The following LMTK2 variants were observed in gnomAD, a reference collection of about 807,000 sequenced individuals.
The protein encoded by LMTK2 is lemur tail kinase 2.
In LMTK2, 37 loss-of-function variants were observed where a neutral mutation model predicts 127.5. The ratio of observed to expected loss-of-function variants is 0.29; its 90% CI spans 0.22 to 0.38. The LOEUF (loss-of-function observed/expected upper bound fraction) is 0.38. LMTK2 is among the 10% of genes least tolerant of loss of function. LMTK2 has a pLI of 1.00. For missense variants in LMTK2, 1,694 were observed against 1,920.3 expected (o/e 0.88, Z 2.20); for synonymous variants, 819 against 810.1 (o/e 1.01, Z -0.19).
At chr7:98,109,814 T>C (rs1161131844) in intron 1 of LMTK2, among the ~76,000 whole-genome samples, 1 of 150,184 alleles carries the variant, frequency 6.7e-6, no homozygotes, top group Non-Finnish European at 1.5e-5. Context: ...TGTCTCTCCA[T>C]CCAAAAGAGT....
chr7:98,117,452 G>A (rs1796302919), intron 1 of LMTK2, among the ~76,000 whole-genome samples: 1 of 152,142 alleles, frequency 6.6e-6, no homozygotes, highest in African/African-American at 2.4e-5. Flanking sequence ...CCACAGTGTT[G>A]TTTATTTGTT....
chr7:98,180,097 G>A (rs2116440826), intron 7 of LMTK2, among the ~76,000 whole-genome samples: 1 of 150,458 alleles, frequency 6.6e-6, no homozygotes, highest in Middle Eastern at 3.4e-3. Flanking sequence ...AATGCCTCTT[G>A]TGAAGTAAGT....
intron 1 of LMTK2, among the ~76,000 whole-genome samples, chr7:98,127,937 G>GT (rs752147581): frequency 1.1e-3 from 166 of 152,290 alleles, no homozygotes; most frequent in Non-Finnish European, 1.9e-3. Flanking sequence ...AAGATCAGGA[G>GT]TTTGAGATTA....
In LMTK2 at chr7:98,208,230, G is replaced by A. The variant is rs1797838868; in HGVS notation, c.*2738G>A. 1 of 152,142 alleles carries A rather than the reference G, an allele frequency of 6.6e-6. No homozygotes were observed. The highest frequency in any genetic ancestry group is 2.1e-4 in the South Asian group (1 of 4,824). The allele number at this position is 152,142 out of a possible 1,614,324, so 9.4% of individuals were successfully genotyped here. A position where few individuals can be genotyped will look rare whatever the true frequency, so the allele number is the denominator to read the frequency against. On this transcript the variant is annotated 3_prime_UTR_variant, in exon 14 of 14. Transcript: ENST00000297293. ...TTGGGGGGTAGTGGATCTTAGTGTG[G>A]TGTTGCATGGAGGGGCGAGATTTTA... is the stretch of plus-strand genomic sequence containing the variant.
chr7:98,191,579 A>T, intron 10 of LMTK2, 35 bp from the exon 11 acceptor site: 17 of 1,433,520 alleles, frequency 1.2e-5, no homozygotes, highest in East Asian at 2.3e-5. Context: ...AAAATTCGTG[A>T]TGGTTCCACT....
chr7:98,137,426 C>G lies in LMTK2; in HGVS notation c.215C>G (p.Pro72Arg), dbSNP rs1398533766. 3 of 1,612,690 alleles carry G rather than the reference C, an allele frequency of 1.9e-6. No homozygotes were observed. The highest frequency in any genetic ancestry group is 1.7e-4 in the Middle Eastern group (1 of 6,058). ...AACTGTGTATCCTGCTGTAAGGACC[C>G]AGAAATAGACTTTAAGGTGAGCACA... ...IANCVSCCKD[P>R]EIDFKEFEDN... is the part of the protein sequence containing the mutation. The change falls in exon 2 of 14, where the codon CCA becomes CGA. Residue 72 changes from proline (P) to arginine (R), a missense_variant. By Grantham distance (103) the Pro-to-Arg change is moderately radical (BLOSUM62 -2). Coordinates refer to ENST00000297293, the MANE Select transcript of LMTK2 (RefSeq NM_014916.4).
intron 7 of LMTK2, among the ~76,000 whole-genome samples, chr7:98,184,165 G>A (rs572746127): frequency 3.3e-5 from 5 of 152,246 alleles, no homozygotes; most frequent in African/African-American, 9.6e-5. Flanking sequence ...TTATGGTTCT[G>A]GGGTTTGCTG....
At chr7:98,166,509 A>G (rs1042048955) in intron 6 of LMTK2, among the ~76,000 whole-genome samples, 7 of 152,280 alleles carry the variant, frequency 4.6e-5, no homozygotes, top group African/African-American at 1.7e-4. Context: ...TGTTATTACA[A>G]AAAGACTCAA....
intron 5 of LMTK2, among the ~76,000 whole-genome samples, chr7:98,155,093 A>G (rs1226296087): frequency 6.6e-6 from 1 of 152,240 alleles, no homozygotes; most frequent in Non-Finnish European, 1.5e-5. Context: ...ACAGATTCCA[A>G]CACAGATGAC....
chr7:98,170,049 C>T (rs1482447015), intron 6 of LMTK2, among the ~76,000 whole-genome samples: 1 of 152,196 alleles, frequency 6.6e-6, no homozygotes, highest in Non-Finnish European at 1.5e-5. Flanking sequence ...TTGATGTTGT[C>T]TGCATACTGA....
chr7:98,174,423 C>T (rs186600951), intron 7 of LMTK2, among the ~76,000 whole-genome samples: 3 of 152,266 alleles, frequency 2.0e-5, no homozygotes, highest in East Asian at 1.9e-4. Flanking sequence ...TCTCTGAAGT[C>T]GTGCATGTGA....
At chr7:98,157,132 G>T (rs1247385655) in intron 5 of LMTK2, among the ~76,000 whole-genome samples, 2 of 151,926 alleles carry the variant, frequency 1.3e-5, no homozygotes, top group Admixed American at 6.6e-5. Flanking sequence ...CGCACCTGTA[G>T]TCTCAGCTCC....
intron 1 of LMTK2, among the ~76,000 whole-genome samples, chr7:98,114,004 G>A (rs1371559240): frequency 1.3e-5 from 2 of 151,856 alleles, no homozygotes; most frequent in East Asian, 3.9e-4. Context: ...TGTGATTCAG[G>A]TGGGAAAAGT....
At chr7:98,145,528 G>A (rs1796759968) in intron 3 of LMTK2, among the ~76,000 whole-genome samples, 1 of 152,006 alleles carries the variant, frequency 6.6e-6, no homozygotes, top group Admixed American at 6.5e-5. Context: ...TTTTGAGGAT[G>A]GTGTTAGGAG....
rs1194300560 is a variant in LMTK2, at chr7:98,192,013, T to A, written c.1548T>A (p.Asp516Glu). 1 of 1,608,810 alleles carries A rather than the reference T, an allele frequency of 6.2e-7. No individual in the cohort carries two copies. The highest frequency in any genetic ancestry group is 8.5e-7 in the Non-Finnish European group (1 of 1,175,814). Residue 516 changes from aspartate to glutamate, a missense_variant, in exon 11 of 14, where the codon GAT becomes GAA. Physicochemically the swap from Asp to Glu is conservative, Grantham distance 45. Coordinates refer to ENST00000297293, the MANE Select transcript of LMTK2 (RefSeq NM_014916.4). ...PVEVFESSLSDPGPGKQDDSG... is the reference protein window; with the variant it reads ...PVEVFESSLSEPGPGKQDDSG... ...AAGTTTTTGAGAGTTCGCTTTCAGA[T>A]CCTGGGCCCGGAAAGCAAGATGACA... is the stretch of plus-strand genomic sequence containing the variant.
At chr7:98,144,653 T>A (rs1205732586) in intron 3 of LMTK2, among the ~76,000 whole-genome samples, 2 of 152,212 alleles carry the variant, frequency 1.3e-5, no homozygotes, top group South Asian at 2.1e-4. Flanking sequence ...AAAAGACTTT[T>A]TATAGAGAAG....
At chr7:98,143,111 A>G (rs1796722402) in intron 3 of LMTK2, among the ~76,000 whole-genome samples, 3 of 152,238 alleles carry the variant, frequency 2.0e-5, no homozygotes, top group African/African-American at 7.2e-5. Context: ...AGATGCAGGC[A>G]GAAGAGAAAT....
At position 98,142,498 on chromosome 7, in the gene LMTK2, A is replaced by G. The variant is rs1316075529; in HGVS notation, c.376+957A>G. On this transcript the variant is annotated intron_variant, in intron 3 of 13. Coordinates refer to ENST00000297293, the MANE Select transcript of LMTK2 (RefSeq NM_014916.4). ...TCCAACCAAAATAATGAAGTTTAAA[A>G]GGAGGTCTAATATATTCTTGGGATA... Among the ~76,000 whole-genome samples the G allele has an allele frequency of 2.0e-5, 3 of 152,342 alleles. No individual in the cohort carries two copies. The East Asian group carries it at 5.8e-4, about 29-fold the overall frequency.
At position 98,186,894 on chromosome 7, in the gene LMTK2, A is replaced by G; in HGVS notation, c.894A>G (p.Thr298=). The G allele has an allele frequency of 6.2e-7, 1 of 1,612,880 alleles. No individual in the cohort carries two copies. Among genetic ancestry groups the G allele is most frequent in the Non-Finnish European group, 8.5e-7 (1 of 1,179,096 alleles). ...CAAAACAGGAGGATTATATTGAAAC[A>G]GATGATAAAAAAGTTTTCCCTCTGC... is the stretch of plus-strand genomic sequence containing the variant. ...FSRYKEDYIE[T]DDKKVFPLRW... is the part of the protein sequence containing the mutation. Residue 298 remains threonine (T), a synonymous_variant, in exon 9 of 14, where the codon ACA becomes ACG. Coordinates refer to ENST00000297293, the MANE Select transcript of LMTK2 (RefSeq NM_014916.4).
Sources: gnomAD v4.1 joint callset for allele counts (sites outside exome capture counted in the v4.1 genomes callset) on GRCh38, gnomAD v4.1.1 for gene constraint, MANE v1.5 for transcripts, NCBI Gene and HGNC (gene_info 2026-07-23, HGNC 2026-07-21) for gene names.